Variants in ASAP3 observed in about 807,000 individuals in gnomAD.
The protein encoded by ASAP3 is arf-GAP with SH3 domain, ANK repeat and PH domain-containing protein 3.
In ASAP3, 85 loss-of-function variants were observed where a neutral mutation model predicts 118.2. The ratio of observed to expected loss-of-function variants is 0.72; its 90% confidence interval spans 0.60 to 0.86. The LOEUF (loss-of-function observed/expected upper bound fraction) is 0.86, where lower values mean the gene tolerates loss of function less well. ASAP3 is among the 40% of genes least tolerant of loss of function. The pLI, the probability that ASAP3 is intolerant of heterozygous loss-of-function variation, is 0.00. For synonymous variants in ASAP3, 432 were observed against 477.4 expected, an observed-to-expected ratio of 0.90 and a Z score of 1.24; for missense variants, 1,026 against 1,175.0, an observed-to-expected ratio of 0.87 and a Z score of 1.85.
chr1:23,477,073 A>G (rs1269178162), intron 1 of ASAP3, among the ~76,000 whole-genome samples: 2 of 151,376 alleles, frequency 1.3e-5, no homozygotes, highest in Admixed American at 6.6e-5. Flanking sequence ...CTGGAGTACA[A>G]TGGCGTGACC....
At position 23,429,888 on chromosome 1, in the gene ASAP3, G is replaced by A. The variant is rs773383278; in HGVS notation, c.2680C>T (p.Pro894Ser). 1.6e-5 allele frequency: 26 copies of A among 1,613,852 alleles called. No individual in the cohort carries two copies. The Middle Eastern group carries it at 9.9e-4, about 61-fold the overall frequency. ...TGCAAAAGTTGCACAGAACTTGCTG[G>A]GAGACTCCCAGTCCTTGAGCCATCT... The part of the protein sequence containing the change: ...EGDGSRTGSL[P>S]ASSVQLLQD Residue 894 changes from proline to serine, a missense_variant, in exon 25 of 25, where the codon CCA (proline) becomes TCA (serine). By Grantham distance (74) the Pro-to-Ser change is moderately conservative. Coordinates refer to ENST00000336689, the MANE Select transcript of ASAP3 (RefSeq NM_017707.4).
intron 5 of ASAP3, among the ~76,000 whole-genome samples, chr1:23,445,056 A>G (rs1281691333): frequency 1.3e-5 from 2 of 151,056 alleles, no homozygotes; most frequent in Non-Finnish European, 2.9e-5. Context: ...AGAGTGGTAG[A>G]AGTAGGGTAG....
chr1:23,436,829 AC>A lies in ASAP3; in HGVS notation c.1476+81del. The A allele has an allele frequency of 7.7e-7, 1 of 1,296,728 alleles. No homozygotes were observed. The highest frequency in any genetic ancestry group is 1.0e-6 in the Non-Finnish European group (1 of 990,230). 80.3% of individuals were successfully genotyped at this position (1,296,728 alleles called of 1,614,324 possible). A position where few individuals can be genotyped will look rare whatever the true frequency, so the allele number is the denominator to read the frequency against. ...AGCCCACCTCGGCCAGGTCCCACCC[AC>A]AACCTGCAAGCCCCGCCCCCGGATG... On this transcript the variant is annotated intron_variant, in intron 15 of 24. Transcript: ENST00000336689. The surrounding 1 kb of genome is among the most constrained non-coding windows in gnomAD (Gnocchi z 4.2).
intron 1 of ASAP3, among the ~76,000 whole-genome samples, chr1:23,481,047 G>A (rs577019589): frequency 2.0e-5 from 3 of 152,312 alleles, no homozygotes; most frequent in Admixed American, 6.5e-5. Flanking sequence ...GAACAGGACC[G>A]GGGGTAGAAC....
Position 23,455,883 on chromosome 1 carries a change from G to T in ASAP3, c.346C>A (p.Leu116Met), listed in dbSNP as rs1641365413. The T allele has an allele frequency of 3.7e-6, 6 of 1,614,146 alleles. No homozygotes were observed. Among genetic ancestry groups the T allele is most frequent in the Non-Finnish European group, 5.1e-6 (6 of 1,180,028 alleles). Residue 116 changes from leucine to methionine, a missense_variant and splice_region_variant, in exon 3 of 25, where the codon CTG (leucine) becomes ATG (methionine). By Grantham distance (15) the Leu-to-Met change is conservative. Coordinates refer to ENST00000336689, the MANE Select transcript of ASAP3 (RefSeq NM_017707.4). ...CAAGGAAGAGACAGGGGCCTCACCA[G>T]GTTCTTGAAGAGCGCAGCAACCTCG... is the stretch of plus-strand genomic sequence containing the variant. ...TREVAALFKN[L>M]IQNLNNIVSF...
rs1199115201 is a variant in ASAP3, at chr1:23,433,241, T to G, written c.2159A>C (p.His720Pro). ...RCLLKLPAQA[H>P]WASGRLDISN... is the part of the protein sequence containing the mutation. The stretch of plus-strand genomic sequence containing the variant: ...GATGTCCAGCCTCCCACTGGCCCAG[T>G]GAGCCTGGGCCGGGAGCTTCAGCAA... Residue 720 changes from histidine to proline, a missense_variant, in exon 22 of 25, where the codon CAC (histidine) becomes CCC (proline). By Grantham distance (77) the His-to-Pro change is moderately conservative. Coordinates refer to ENST00000336689, the MANE Select transcript of ASAP3 (RefSeq NM_017707.4). 6.2e-7 allele frequency: 1 copy of G among 1,611,564 alleles called. No individual in the cohort carries two copies. Among genetic ancestry groups the G allele is most frequent in the South Asian group, 1.1e-5 (1 of 90,916 alleles).
rs966273221 is a variant in ASAP3, at chr1:23,455,679, A to C, written c.348+202T>G. Among the ~76,000 whole-genome samples, 38 of 152,296 alleles carry C rather than the reference A, an allele frequency of 2.5e-4. 1 individual carries two copies. Among genetic ancestry groups the C allele is most frequent in the African/African-American group, 9.1e-4 (38 of 41,582 alleles). On this transcript the variant is annotated intron_variant, in intron 3 of 24. Coordinates refer to ENST00000336689, the MANE Select transcript of ASAP3 (RefSeq NM_017707.4). The stretch of plus-strand genomic sequence containing the variant: ...GAAGAGAAGGAGGAGAACAGAGAGA[A>C]GAGTTAGTTGGGTAAGAAGCCAGAG...
chr1:23,437,396 T>C lies in ASAP3; in HGVS notation c.1151+28A>G. 6.2e-7 allele frequency: 1 copy of C among 1,612,870 alleles called. No individual in the cohort carries two copies. The highest frequency in any genetic ancestry group is 1.1e-5 in the South Asian group (1 of 90,990). On this transcript the variant is annotated intron_variant, in intron 13 of 24. Coordinates refer to ENST00000336689, the MANE Select transcript of ASAP3 (RefSeq NM_017707.4). This position sits in a 1 kb window ranked among gnomAD's most constrained non-coding sequence, Gnocchi z 6.1. ...GGCCGCCGGCCCCCACCCACAAGGC[T>C]GGCCGGGCTGGCCGAGGGGGCACTC...
At chr1:23,463,748 C>G (rs1350870582) in intron 1 of ASAP3, among the ~76,000 whole-genome samples, 1 of 152,068 alleles carries the variant, frequency 6.6e-6, no homozygotes, top group Non-Finnish European at 1.5e-5. Context: ...ATTACAGGTG[C>G]CCGCCACCAT....
chr1:23,462,870 G>A (rs1044816814), intron 1 of ASAP3, among the ~76,000 whole-genome samples: 1 of 152,176 alleles, frequency 6.6e-6, no homozygotes, highest in Non-Finnish European at 1.5e-5. Flanking sequence ...GGGCTATGAT[G>A]GAAGGTTCCT....
chr1:23,458,664 G>T (rs955354908), intron 1 of ASAP3, among the ~76,000 whole-genome samples: 4 of 151,966 alleles, frequency 2.6e-5, no homozygotes, highest in Non-Finnish European at 4.4e-5. Context: ...AAGAGGTGGA[G>T]GGGAGAACGT....
At chr1:23,442,709 A>G in intron 5 of ASAP3, 97 bp from the exon 6 acceptor site, 4 of 1,506,732 alleles carry the variant, frequency 2.7e-6, no homozygotes, top group Middle Eastern at 1.7e-4. Flanking sequence ...ATGGTGCAGG[A>G]GGCCCTCCTG....
intron 5 of ASAP3, among the ~76,000 whole-genome samples, chr1:23,450,804 G>A (rs994411548): frequency 6.6e-6 from 1 of 152,154 alleles, no homozygotes; most frequent in African/African-American, 2.4e-5. Context: ...TCTACAGTAT[G>A]GGCCTGGCTG....
chr1:23,436,452 T>G lies in ASAP3; in HGVS notation c.1571+108A>C, dbSNP rs952557861. ...TGCTGGGATTACAGGCGTGAGCCAC[T>G]GCGCCCAGCCTCCCCAGACTTCTGA... On this transcript the variant is annotated intron_variant, in intron 16 of 24. Coordinates refer to ENST00000336689, the MANE Select transcript of ASAP3 (RefSeq NM_017707.4). The surrounding 1 kb of genome is among the most constrained non-coding windows in gnomAD (Gnocchi z 4.2). The G allele has an allele frequency of 4.7e-6, 6 of 1,281,034 alleles. No individual in the cohort carries two copies. The highest frequency in any genetic ancestry group is 2.9e-5 in the African/African-American group (2 of 68,148). The allele number at this position is 1,281,034 out of a possible 1,614,324, so 79.4% of individuals were successfully genotyped here.
chr1:23,462,014 ACTG>A (rs1392082809), intron 1 of ASAP3, among the ~76,000 whole-genome samples: 1 of 150,648 alleles, frequency 6.6e-6, no homozygotes, highest in Admixed American at 6.6e-5. Flanking sequence ...TCACTCACAG[ACTG>A]TTTTTCTTTT....
intron 1 of ASAP3, among the ~76,000 whole-genome samples, chr1:23,476,954 C>G (rs1642149026): frequency 6.6e-6 from 1 of 151,856 alleles, no homozygotes; most frequent in Non-Finnish European, 1.5e-5. Flanking sequence ...ACTAGGGACA[C>G]AACAGTGAGA....
At chr1:23,479,383 C>T (rs1642237634) in intron 1 of ASAP3, among the ~76,000 whole-genome samples, 1 of 152,170 alleles carries the variant, frequency 6.6e-6, no homozygotes, top group Non-Finnish European at 1.5e-5. Context: ...TTACCTCCGG[C>T]TCTTCAGTCT....
rs2148610065 is a variant in ASAP3 at position 23,437,082 on chromosome 1, C to A, written c.1343-38G>T. On this transcript the variant is annotated intron_variant, in intron 14 of 24. Coordinates refer to ENST00000336689, the MANE Select transcript of ASAP3 (RefSeq NM_017707.4). This position sits in a 1 kb window ranked among gnomAD's most constrained non-coding sequence, Gnocchi z 6.1. ...GCAGCTGGAGCCTGGAGGTGCAGCC[C>A]CTCCCCTCCACTTAAGCCTCCCTCC... 1 of 1,601,782 alleles carries A rather than the reference C, an allele frequency of 6.2e-7. No homozygotes were observed. The highest frequency in any genetic ancestry group is 8.5e-7 in the Non-Finnish European group (1 of 1,173,964).
In ASAP3 at chr1:23,435,969, CACCGGCGTGCAA is replaced by C; in HGVS notation, c.1619_1630del (p.Phe540_Arg543del). 1 of 1,614,256 alleles carries C rather than the reference CACCGGCGTGCAA, an allele frequency of 6.2e-7. No homozygotes were observed. Among genetic ancestry groups the C allele is most frequent in the Non-Finnish European group, 8.5e-7 (1 of 1,180,048 alleles). ...CCAGAGTCGCTGAGGCTCAGGTGTG[CACCGGCGTGCAA>C]ACCTATGCTCCACATACTTGGCCAT... is the stretch of plus-strand genomic sequence containing the variant. On this transcript the variant is annotated inframe_deletion, in exon 17 of 25. Coordinates refer to ENST00000336689, the MANE Select transcript of ASAP3 (RefSeq NM_017707.4).
Sources: gnomAD v4.1 joint callset for allele counts (sites outside exome capture counted in the v4.1 genomes callset) on GRCh38, gnomAD v4.1.1 for gene constraint, Gnocchi (gnomAD v3.1) non-coding constraint, MANE v1.5 for transcripts, NCBI Gene and HGNC (gene_info 2026-07-23, HGNC 2026-07-21) for gene names.